Variants in DYNC2LI1 observed in about 807,000 individuals in gnomAD.
The protein encoded by DYNC2LI1 is dynein cytoplasmic 2 light intermediate chain 1, also known as cytoplasmic dynein 2 light intermediate chain 1.
In DYNC2LI1, 45 loss-of-function variants were observed where a neutral mutation model predicts 51.9. That is an observed-to-expected ratio of 0.87 (90% CI 0.68 to 1.11). The LOEUF (loss-of-function observed/expected upper bound fraction) is 1.11, where lower values mean the gene tolerates loss of function less well. Ranked by LOEUF, DYNC2LI1 falls within the 50% of genes most tolerant of loss-of-function variation. The pLI is 0.00. For missense variants in DYNC2LI1, 490 were observed against 417.4 expected (o/e 1.17, Z -1.51); for synonymous variants, 130 against 137.8 (o/e 0.94, Z 0.40).
chr2:43,798,658 C>T (rs2104704039), intron 8 of DYNC2LI1, among the ~76,000 whole-genome samples: 1 of 152,208 alleles, frequency 6.6e-6, no homozygotes, highest in East Asian at 1.9e-4. Flanking sequence ...TAACCATGGC[C>T]CAGGAGATCA....
At chr2:43,822,478 G>GCCGCCCC in the DYNC2LI1 span, 1 of 432,260 alleles carries the variant, frequency 2.3e-6, no homozygotes, top group African/African-American at 2.2e-5. Flanking sequence ...CCTCCCCCAG[G>GCCGCCCC]CCCCCCCCCA....
At chr2:43,794,306 T>G (rs1673928344) in intron 5 of DYNC2LI1, 151 bp from the exon 6 acceptor site, 2 of 798,702 alleles carry the variant, frequency 2.5e-6, no homozygotes, top group South Asian at 4.2e-5. Flanking sequence ...ATGACTTTGG[T>G]TTTTTGTTTT....
chr2:43,797,475 A>G (rs1665914880), intron 8 of DYNC2LI1, among the ~76,000 whole-genome samples: 1 of 151,896 alleles, frequency 6.6e-6, no homozygotes, highest in Non-Finnish European at 1.5e-5. Flanking sequence ...AGCAGGACTA[A>G]ACTTTACTAA....
the DYNC2LI1 span, chr2:43,824,574 CAG>C: frequency 1.3e-6 from 2 of 1,556,026 alleles, no homozygotes; most frequent in Admixed American, 3.8e-5. Context: ...CCTATAAAAT[CAG>C]AATACTTTAA....
chr2:43,778,163 C>T (rs1267653358), intron 2 of DYNC2LI1, among the ~76,000 whole-genome samples: 2 of 151,942 alleles, frequency 1.3e-5, no homozygotes, highest in East Asian at 1.9e-4. Context: ...ATTTTATAAG[C>T]ATGTTATTTC....
chr2:43,795,827 G>C, intron 6 of DYNC2LI1, 63 bp from the exon 7 acceptor site: 1 of 1,249,630 alleles, frequency 8.0e-7, no homozygotes, highest in Non-Finnish European at 1.2e-6. Context: ...GAAGTAAATA[G>C]AAATTGCTAA....
downstream of DYNC2LI1, among the ~76,000 whole-genome samples, chr2:43,811,168 T>G (rs981383567): frequency 3.3e-5 from 5 of 152,210 alleles, no homozygotes; most frequent in Non-Finnish European, 7.3e-5. Flanking sequence ...CCTGTGGGAC[T>G]CTCTTTGAAC....
At chr2:43,792,298 A>G (rs1439215118) in intron 5 of DYNC2LI1, among the ~76,000 whole-genome samples, 2 of 152,154 alleles carry the variant, frequency 1.3e-5, no homozygotes, top group African/African-American at 4.8e-5. Context: ...TTTTGCTTGA[A>G]TTATACAAAA....
the DYNC2LI1 span, chr2:43,820,033 A>G: frequency 6.2e-7 from 1 of 1,614,240 alleles, no homozygotes; most frequent in Non-Finnish European, 8.5e-7. Flanking sequence ...TCACCAATTA[A>G]GTGGGGGGCC....
chr2:43,805,275 A>T, intron 12 of DYNC2LI1, 29 bp downstream of exon 12: 3 of 1,483,758 alleles, frequency 2.0e-6, no homozygotes, highest in Non-Finnish European at 2.8e-6. Flanking sequence ...ACTTAATTTC[A>T]TCTGAAATTT....
rs1665869232 is a variant in DYNC2LI1 at position 43,796,752 on chromosome 2, A to G, written c.611A>G (p.Lys204Arg). The change falls in exon 8 of 13, where the codon AAG becomes AGG. Residue 204 changes from lysine to arginine, a missense_variant. By Grantham distance (26) the Lys-to-Arg change is conservative. Transcript: ENST00000260605. ...TCTGAGAAGAGAAAGGTAATATGCA[A>G]GACACTTCGATTTGTTGCACATTAT... Reference protein sequence around the residue: ...FESEKRKVICKTLRFVAHYYG... With the variant: ...FESEKRKVICRTLRFVAHYYG... 1 of 1,613,798 alleles carries G rather than the reference A, an allele frequency of 6.2e-7. No individual in the cohort carries two copies. The highest frequency in any genetic ancestry group is 1.1e-5 in the South Asian group (1 of 91,064).
the DYNC2LI1 span, among the ~76,000 whole-genome samples, chr2:43,821,930 C>G: frequency 6.6e-6 from 1 of 152,070 alleles, no homozygotes; most frequent in Non-Finnish European, 1.5e-5. Context: ...TGCTTGCATC[C>G]TTGATCCCAT....
chr2:43,798,614 G>A (rs1347274963), intron 8 of DYNC2LI1, among the ~76,000 whole-genome samples: 1 of 152,198 alleles, frequency 6.6e-6, no homozygotes, highest in Non-Finnish European at 1.5e-5. Flanking sequence ...TTTAGATGAA[G>A]TCAGGTCAAC....
chr2:43,810,017 T>G, downstream of DYNC2LI1: 1 of 1,042,982 alleles, frequency 9.6e-7, no homozygotes, highest in Non-Finnish European at 1.2e-6. Flanking sequence ...CTAACATGTT[T>G]AAGTGGTATA....
downstream of DYNC2LI1, chr2:43,814,615 A>G (rs55711764): frequency 4.7e-4 from 636 of 1,366,654 alleles, 1 homozygote; most frequent in South Asian, 2.1e-3. Context: ...ACAAAAATGA[A>G]ATTCAGTAGG....
At chr2:43,824,453 A>G in the DYNC2LI1 span, 3 of 1,612,266 alleles carry the variant, frequency 1.9e-6, no homozygotes, top group Middle Eastern at 1.6e-4. Flanking sequence ...TTCCCAAAAG[A>G]TGTCACCCAT....
chr2:43,817,054 A>G, the DYNC2LI1 span, among the ~76,000 whole-genome samples: 1 of 152,240 alleles, frequency 6.6e-6, no homozygotes, highest in African/African-American at 2.4e-5. Context: ...TGGAATGACT[A>G]GCAGGTTGAT....
At chr2:43,824,756 A>G in the DYNC2LI1 span, 5 of 1,468,970 alleles carry the variant, frequency 3.4e-6, no homozygotes, top group Non-Finnish European at 4.6e-6. Flanking sequence ...GGCCAAATTG[A>G]TTCCTTGAAG....
chr2:43,782,270 T>C (rs1430513540), intron 2 of DYNC2LI1, among the ~76,000 whole-genome samples: 2 of 152,170 alleles, frequency 1.3e-5, no homozygotes, highest in African/African-American at 4.8e-5. Flanking sequence ...ATAATATACA[T>C]TTTTATATTG....
Sources: gnomAD v4.1 joint callset for allele counts (sites outside exome capture counted in the v4.1 genomes callset) on GRCh38, gnomAD v4.1.1 for gene constraint, MANE v1.5 for transcripts, NCBI Gene and HGNC (gene_info 2026-07-23, HGNC 2026-07-21) for gene names.